The following ADGRV1 variants were observed in gnomAD, a reference collection of about 807,000 sequenced individuals.
The protein encoded by ADGRV1 is adhesion G protein-coupled receptor V1, also known as G-protein coupled receptor 98.
A neutral mutation model predicts 596.2 loss-of-function variants in ADGRV1; 359 were observed. The observed-to-expected ratio is 0.60, with a 90% confidence interval of 0.55 to 0.66. The LOEUF (loss-of-function observed/expected upper bound fraction) is 0.66, where lower values mean the gene tolerates loss of function less well. ADGRV1 is among the 30% of genes least tolerant of loss of function. The probability of loss-of-function intolerance (pLI) is 0.00; values close to 1 mark genes in which losing one functional copy is unlikely to be tolerated. For synonymous variants in ADGRV1, 2,681 were observed against 2,679.2 expected (o/e 1.00, Z -0.02); for missense variants, 7,274 against 7,575.6 (o/e 0.96, Z 1.48).
rs1472288254 is a variant in ADGRV1, at chr5:90,821,695, C to T, written c.16197-1730C>T. ...CTGCCGTGTGAGGTGTCAGTGTGCCCCTGCTGGGGGGTGCCTCCCAGTTAG... is the reference window on the plus strand; with the variant it reads ...CTGCCGTGTGAGGTGTCAGTGTGCCTCTGCTGGGGGGTGCCTCCCAGTTAG... On this transcript the variant is annotated intron_variant, in intron 75 of 89. Coordinates refer to ENST00000405460, the MANE Select transcript of ADGRV1 (RefSeq NM_032119.4). 7.9e-5 allele frequency among the ~76,000 whole-genome samples: 12 copies of T among 151,800 alleles called. No homozygotes were observed. The East Asian group carries it at 1.9e-3, about 24-fold the overall frequency.
At chr5:90,707,938 A>G (rs1376444482) in intron 38 of ADGRV1, among the ~76,000 whole-genome samples, 1 of 152,160 alleles carries the variant, frequency 6.6e-6, no homozygotes, top group Non-Finnish European at 1.5e-5. Context: ...GAGTAGGCAC[A>G]GCAGTCCTTC....
intron 85 of ADGRV1, among the ~76,000 whole-genome samples, chr5:91,029,591 A>C (rs1784316010): frequency 6.6e-6 from 1 of 152,192 alleles, no homozygotes; most frequent in Non-Finnish European, 1.5e-5. Context: ...ATAACCAGCC[A>C]TGTTGAAACA....
chr5:90,711,350 C>A (rs755009320), intron 41 of ADGRV1, 28 bp downstream of exon 41: 2 of 1,541,156 alleles, frequency 1.3e-6, no homozygotes, highest in Non-Finnish European at 8.8e-7. Flanking sequence ...TCACAGATGA[C>A]TTTTACAAAT....
At position 90,961,513 on chromosome 5, in the gene ADGRV1, G is replaced by GT. The variant is rs1374156962; in HGVS notation, c.17857-3902_17857-3901insT. Among the ~76,000 whole-genome samples, 42 of 144,892 alleles carry GT rather than the reference G, an allele frequency of 2.9e-4. 2 individuals carry two copies. The highest frequency in any genetic ancestry group is 1.5e-4 in the Non-Finnish European group (10 of 66,622). On this transcript the variant is annotated intron_variant, in intron 83 of 89. Transcript: ENST00000405460. ...AAAAAAAAAAAAAAAAAAAAGGGGG[G>GT]GTGGCGGTCATTTCAAGAATAATTT...
chr5:90,707,067 C>T (rs1428617941), intron 38 of ADGRV1, among the ~76,000 whole-genome samples: 1 of 151,844 alleles, frequency 6.6e-6, no homozygotes, highest in Admixed American at 6.6e-5. Context: ...CCAGAAAATC[C>T]GTGTATGTCA....
At chr5:91,020,515 C>G (rs1783546846) in intron 85 of ADGRV1, among the ~76,000 whole-genome samples, 1 of 151,974 alleles carries the variant, frequency 6.6e-6, no homozygotes, top group African/African-American at 2.4e-5. Flanking sequence ...ATGACTTGCA[C>G]CAGGTTACAT....
At chr5:90,952,184 T>A (rs1828175) in intron 83 of ADGRV1, among the ~76,000 whole-genome samples, 23,878 of 152,136 alleles carry the variant, frequency 0.16, 2,649 homozygotes, top group East Asian at 0.49. Context: ...AGATAGTGCC[T>A]CCACTGCTAA....
At position 90,711,296 on chromosome 5, in the gene ADGRV1, G is replaced by A. The variant is rs1749316057; in HGVS notation, c.9016G>A (p.Gly3006Arg). 6.2e-7 allele frequency: 1 copy of A among 1,611,810 alleles called. No individual in the cohort carries two copies. The highest frequency in any genetic ancestry group is 1.7e-5 in the Admixed American group (1 of 59,850). ...TGCTCAGAATTTGGAAGCACAAGTG[G>A]GGCTGGATTATATCTTCACCCCAAT... Reference protein sequence around the residue: ...VYAQNLEAQVGLDYIFTPMIL... With the variant: ...VYAQNLEAQVRLDYIFTPMIL... The change falls in exon 41 of 90, where the codon GGG becomes AGG. Residue 3006 changes from glycine (G) to arginine (R), a missense_variant. Physicochemically the swap from Gly to Arg is moderately radical, Grantham distance 125. Coordinates refer to ENST00000405460, the MANE Select transcript of ADGRV1 (RefSeq NM_032119.4).
chr5:90,993,479 T>C (rs1781143924), intron 85 of ADGRV1, among the ~76,000 whole-genome samples: 1 of 152,160 alleles, frequency 6.6e-6, no homozygotes, highest in African/African-American at 2.4e-5. Flanking sequence ...TGAAGAGTAC[T>C]GGTCAGTTAT....
At chr5:90,950,631 T>C (rs181315624) in intron 83 of ADGRV1, among the ~76,000 whole-genome samples, 235 of 152,236 alleles carry the variant, frequency 1.5e-3, no homozygotes, top group African/African-American at 5.5e-3. Context: ...CTTTAAGAAC[T>C]ATTTTAAAAA....
chr5:90,736,900 T>G (rs540751834), intron 50 of ADGRV1, among the ~76,000 whole-genome samples: 1 of 150,710 alleles, frequency 6.6e-6, no homozygotes, highest in African/African-American at 2.4e-5. Context: ...CTTTTTCTTT[T>G]AAAAAAAAAC....
chr5:90,777,574 C>T, intron 61 of ADGRV1, among the ~76,000 whole-genome samples: 1 of 152,094 alleles, frequency 6.6e-6, no homozygotes, highest in East Asian at 1.9e-4. Flanking sequence ...CTTTAGAGAA[C>T]TTAGACTTTT....
At chr5:90,792,829 G>A (rs1442347682) in intron 70 of ADGRV1, 1 of 152,184 alleles carries the variant, frequency 6.6e-6, no homozygotes, top group Non-Finnish European at 1.5e-5. Context: ...TCAAGGCAGG[G>A]ATCAACCCTG....
At chr5:90,618,968 A>G in intron 3 of ADGRV1, 118 bp from the exon 4 acceptor site, 1 of 461,118 alleles carries the variant, frequency 2.2e-6, no homozygotes, top group Non-Finnish European at 3.8e-6. Context: ...CATTAAGATT[A>G]CATATGTATT....
intron 83 of ADGRV1, among the ~76,000 whole-genome samples, chr5:90,954,866 G>C (rs1380027960): frequency 1.3e-5 from 2 of 152,134 alleles, no homozygotes; most frequent in Non-Finnish European, 2.9e-5. Context: ...TGGTTGCTAT[G>C]TTTCTGATTT....
At chr5:91,113,581 A>G (rs1792573964) in intron 87 of ADGRV1, among the ~76,000 whole-genome samples, 2 of 152,138 alleles carry the variant, frequency 1.3e-5, no homozygotes, top group Admixed American at 6.6e-5. Context: ...CCCTCAGTAT[A>G]TTCTGTATAT....
At chr5:90,925,111 C>T (rs1295659179) in intron 83 of ADGRV1, among the ~76,000 whole-genome samples, 14 of 152,062 alleles carry the variant, frequency 9.2e-5, no homozygotes, top group African/African-American at 1.9e-4. Flanking sequence ...CTTGGCGATG[C>T]GGGCTCTTTT....
intron 83 of ADGRV1, among the ~76,000 whole-genome samples, chr5:90,965,186 G>A (rs1347790098): frequency 6.6e-6 from 1 of 152,104 alleles, no homozygotes; most frequent in African/African-American, 2.4e-5. Context: ...TGAGAGCCTA[G>A]AGCAACATGT....
At chr5:90,976,324 A>G (rs12518511) in intron 84 of ADGRV1, among the ~76,000 whole-genome samples, 7,455 of 74,078 alleles carry the variant, frequency 0.1, 191 homozygotes, top group Middle Eastern at 0.13. Flanking sequence ...GTGTGTGTGT[A>G]TATATATATA....
Sources: gnomAD v4.1 joint callset for allele counts (sites outside exome capture counted in the v4.1 genomes callset) on GRCh38, gnomAD v4.1.1 for gene constraint, MANE v1.5 for transcripts, NCBI Gene and HGNC (gene_info 2026-07-23, HGNC 2026-07-21) for gene names.